The following SOX5 variants were observed in gnomAD, a reference collection of about 807,000 sequenced individuals.
SOX5 encodes the protein SRY-box transcription factor 5, also known as transcription factor SOX-5.
In SOX5, 9 loss-of-function variants were observed where a neutral mutation model predicts 92.0. The ratio of observed to expected loss-of-function variants is 0.10; its 90% CI spans 0.06 to 0.17. The LOEUF (loss-of-function observed/expected upper bound fraction) is 0.17. SOX5 is among the 10% of genes least tolerant of loss of function. The pLI, the probability that SOX5 is intolerant of heterozygous loss-of-function variation, is 1.00. For synonymous variants in SOX5, 344 were observed against 336.3 expected, an observed-to-expected ratio of 1.02 and a Z score of -0.25; for missense variants, 642 against 944.5, an observed-to-expected ratio of 0.68 and a Z score of 4.20.
At chr12:23,840,877 T>C (rs2096505011) in intron 3 of SOX5, among the ~76,000 whole-genome samples, 1 of 151,164 alleles carries the variant, frequency 6.6e-6, no homozygotes, top group South Asian at 2.2e-4. Flanking sequence ...AATGAAAAAC[T>C]ACACTAACTT....
chr12:24,384,307 C>A (rs551436980), intron 1 of SOX5, among the ~76,000 whole-genome samples: 3 of 152,290 alleles, frequency 2.0e-5, no homozygotes, highest in South Asian at 4.1e-4. Context: ...TGATAGGAGG[C>A]GGAGCCCAGG....
rs536563055 is a variant in SOX5 at position 23,823,066 on chromosome 12, C to T, written c.481+22917G>A. On this transcript the variant is annotated intron_variant, in intron 3 of 14. Coordinates refer to ENST00000451604, the MANE Select transcript of SOX5 (RefSeq NM_006940.6). ...CACACTGATGTTTCTTGACTCTTTA[C>T]CCAATTTGCCAGTCTGTGCCTTTTA... Among the ~76,000 whole-genome samples, 386 of 152,188 alleles carry T rather than the reference C, an allele frequency of 2.5e-3. 1 individual carries two copies. The highest frequency in any genetic ancestry group is 8.8e-3 in the African/African-American group (366 of 41,536).
At chr12:23,673,443 C>T (rs1262784893) in intron 6 of SOX5, among the ~76,000 whole-genome samples, 1 of 152,094 alleles carries the variant, frequency 6.6e-6, no homozygotes, top group Non-Finnish European at 1.5e-5. Context: ...TTTGCAAATA[C>T]TGCTAGTACA....
intron 6 of SOX5, among the ~76,000 whole-genome samples, chr12:23,716,137 C>T (rs151310931): frequency 2.7e-4 from 41 of 152,204 alleles, no homozygotes; most frequent in African/African-American, 9.4e-4. Context: ...TTTGGTAAAT[C>T]GTGTAACTTA....
At chr12:23,594,054 A>G (rs1227045329) in intron 9 of SOX5, among the ~76,000 whole-genome samples, 1 of 152,230 alleles carries the variant, frequency 6.6e-6, no homozygotes, top group East Asian at 1.9e-4. Context: ...CTATTTTAAA[A>G]TGAATACTCA....
chr12:24,349,139 G>C (rs576753049), intron 2 of SOX5, among the ~76,000 whole-genome samples: 15 of 152,076 alleles, frequency 9.9e-5, no homozygotes, highest in African/African-American at 3.4e-4. Context: ...GAGATATTTC[G>C]CTCCTTGGCT....
chr12:23,837,219 TG>T (rs1425571665), intron 3 of SOX5, among the ~76,000 whole-genome samples: 2 of 124,502 alleles, frequency 1.6e-5, no homozygotes, highest in Non-Finnish European at 3.3e-5. Context: ...TATATTTATA[TG>T]ATATATAATA....
chr12:24,363,558 A>C (rs1955835586), intron 2 of SOX5, among the ~76,000 whole-genome samples: 1 of 152,208 alleles, frequency 6.6e-6, no homozygotes, highest in Admixed American at 6.5e-5. Context: ...TTTATGTATC[A>C]TGTTACTCCT....
At chr12:24,065,348 C>G (rs1352406113) in intron 4 of SOX5, among the ~76,000 whole-genome samples, 1 of 152,068 alleles carries the variant, frequency 6.6e-6, no homozygotes, top group Non-Finnish European at 1.5e-5. Flanking sequence ...CAAATACCTC[C>G]AAATGAAATA....
chr12:23,921,085 A>G (rs1300574174), intron 1 of SOX5, among the ~76,000 whole-genome samples: 2 of 152,194 alleles, frequency 1.3e-5, no homozygotes, highest in Admixed American at 1.3e-4. Flanking sequence ...CTATATAGTT[A>G]AAACAATTAC....
intron 1 of SOX5, among the ~76,000 whole-genome samples, chr12:23,904,465 A>G (rs936199302): frequency 1.3e-5 from 2 of 152,208 alleles, no homozygotes; most frequent in Admixed American, 1.3e-4. Context: ...AATAAAAAAG[A>G]TAAACTTCCT....
chr12:23,564,847 T>G (rs1946798777), intron 10 of SOX5, among the ~76,000 whole-genome samples: 1 of 152,216 alleles, frequency 6.6e-6, no homozygotes, highest in Non-Finnish European at 1.5e-5. Flanking sequence ...GATCTGCTGA[T>G]TGCCAAAAAA....
chr12:23,968,533 C>T (rs115905935), intron 4 of SOX5, among the ~76,000 whole-genome samples: 34 of 152,242 alleles, frequency 2.2e-4, no homozygotes, highest in African/African-American at 7.2e-4. Flanking sequence ...AGGACAAATC[C>T]GCCCCTACTC....
At chr12:24,275,431 T>C (rs1251562886) in intron 3 of SOX5, among the ~76,000 whole-genome samples, 2 of 152,134 alleles carry the variant, frequency 1.3e-5, no homozygotes, top group Non-Finnish European at 2.9e-5. Flanking sequence ...TAATTTAACA[T>C]TGCATTATGC....
intron 2 of SOX5, among the ~76,000 whole-genome samples, chr12:23,855,728 C>A (rs1373763924): frequency 6.6e-6 from 1 of 152,026 alleles, no homozygotes; most frequent in Non-Finnish European, 1.5e-5. Flanking sequence ...TTTGCTATTT[C>A]TCTCTGCTAT....
At chr12:24,038,294 C>T (rs1956231018) in intron 4 of SOX5, among the ~76,000 whole-genome samples, 1 of 152,150 alleles carries the variant, frequency 6.6e-6, no homozygotes, top group East Asian at 1.9e-4. Context: ...GCCCTGCAAA[C>T]TCATCCCTCC....
At chr12:24,436,980 A>G (rs1398578871) in intron 1 of SOX5, among the ~76,000 whole-genome samples, 1 of 152,236 alleles carries the variant, frequency 6.6e-6, no homozygotes, top group Non-Finnish European at 1.5e-5. Context: ...AACGTGGCTT[A>G]CTGAGTAGTT....
chr12:23,783,764 T>C (rs995115314), intron 3 of SOX5, among the ~76,000 whole-genome samples: 1 of 152,202 alleles, frequency 6.6e-6, no homozygotes, highest in Non-Finnish European at 1.5e-5. Context: ...ATTTTGATAA[T>C]GTTTAATTGA....
intron 2 of SOX5, among the ~76,000 whole-genome samples, chr12:24,309,869 T>A (rs369504964): frequency 5.3e-5 from 8 of 152,308 alleles, no homozygotes; most frequent in African/African-American, 1.9e-4. Flanking sequence ...GTTCTTAACA[T>A]GCCCTATCAG....
Sources: gnomAD v4.1 joint callset for allele counts (sites outside exome capture counted in the v4.1 genomes callset) on GRCh38, gnomAD v4.1.1 for gene constraint, MANE v1.5 for transcripts, NCBI Gene and HGNC (gene_info 2026-07-23, HGNC 2026-07-21) for gene names.